The following CAPN8 variants were observed in gnomAD, a reference collection of about 807,000 sequenced individuals.
CAPN8 encodes the protein calpain 8, also known as calpain-8.
CAPN8 carries 87 observed loss-of-function variants against 80.9 expected under a neutral mutation model. That is an observed-to-expected ratio of 1.07 (90% CI 0.90 to 1.28). CAPN8 has a LOEUF of 1.28. Among genes scored for constraint, CAPN8 ranks in the 50% most tolerant of loss-of-function variants. The probability of loss-of-function intolerance (pLI) is 0.00; values close to 1 mark genes in which losing one functional copy is unlikely to be tolerated. For synonymous variants in CAPN8, 299 were observed against 273.8 expected (o/e 1.09, Z -0.91); for missense variants, 757 against 702.0 (o/e 1.08, Z -0.89).
At chr1:223,625,757 T>C (rs537838969) in intron 6 of CAPN8, 48 bp downstream of exon 6, 17 of 1,478,570 alleles carry the variant, frequency 1.1e-5, no homozygotes, top group Non-Finnish European at 1.6e-5. Context: ...CTTGGATTCA[T>C]GGAAATATTA....
intron 13 of CAPN8, among the ~76,000 whole-genome samples, chr1:223,555,635 T>C (rs889843581): frequency 1.3e-5 from 2 of 152,204 alleles, no homozygotes; most frequent in Middle Eastern, 3.4e-3. Context: ...ATTCTCCATG[T>C]CTGGAAAAAC....
intron 13 of CAPN8, among the ~76,000 whole-genome samples, chr1:223,554,650 T>C (rs925567619): frequency 1.2e-4 from 19 of 152,132 alleles, no homozygotes; most frequent in African/African-American, 4.3e-4. Context: ...ATTTCAAAAG[T>C]GTTGAGAACA....
rs1164376778 is a variant in CAPN8, at chr1:223,665,392, G to A, written c.237+18C>T. The A allele has an allele frequency of 6.5e-7, 1 of 1,545,000 alleles. No individual in the cohort carries two copies. The highest frequency in any genetic ancestry group is 8.8e-7 in the Non-Finnish European group (1 of 1,141,118). Reference sequence around the variant, plus strand: ...CCTCCACCTTGTATGTCACTCAACAGCAAGCCCGCTTCCTTACCGTGGGCC... The same window carrying A: ...CCTCCACCTTGTATGTCACTCAACAACAAGCCCGCTTCCTTACCGTGGGCC... On this transcript the variant is annotated intron_variant, in intron 1 of 20. Transcript: ENST00000366872.
chr1:223,647,073 T>G (rs534340131), intron 2 of CAPN8, among the ~76,000 whole-genome samples: 1 of 152,078 alleles, frequency 6.6e-6, no homozygotes, highest in Non-Finnish European at 1.5e-5. Flanking sequence ...ACTGGCAATT[T>G]TGCACTTTTC....
chr1:223,616,646 G>C (rs1179544089), intron 9 of CAPN8, among the ~76,000 whole-genome samples: 1 of 152,184 alleles, frequency 6.6e-6, no homozygotes, highest in African/African-American at 2.4e-5. Flanking sequence ...ACACTATTAA[G>C]ACAACTGCTC....
At chr1:223,639,970 A>T (rs1052989255) in intron 2 of CAPN8, among the ~76,000 whole-genome samples, 2 of 152,196 alleles carry the variant, frequency 1.3e-5, no homozygotes, top group African/African-American at 4.8e-5. Context: ...CATTCACATC[A>T]TTTGAAATAC....
intron 2 of CAPN8, among the ~76,000 whole-genome samples, chr1:223,651,116 T>G (rs1658332945): frequency 6.6e-6 from 1 of 151,828 alleles, no homozygotes; most frequent in African/African-American, 2.4e-5. Context: ...AGTAGGACAC[T>G]GAGTGTGGGT....
At chr1:223,544,724 A>G (rs1426017370) in intron 18 of CAPN8, 48 bp downstream of exon 18, 60 of 1,546,130 alleles carry the variant, frequency 3.9e-5, no homozygotes, top group Non-Finnish European at 5.1e-5. Flanking sequence ...AATATTTACA[A>G]TGTGCACACC....
intron 1 of CAPN8, among the ~76,000 whole-genome samples, chr1:223,656,154 CTT>C (rs11321267): frequency 2.0e-5 from 3 of 147,440 alleles, no homozygotes; most frequent in East Asian, 2.0e-4. Flanking sequence ...TCTGGGCTGA[CTT>C]TTTTTTTTTC....
intron 11 of CAPN8, among the ~76,000 whole-genome samples, chr1:223,610,053 T>C (rs977101268): frequency 6.6e-6 from 1 of 152,228 alleles, no homozygotes; most frequent in African/African-American, 2.4e-5. Context: ...GGTTAATTAG[T>C]GACTGCAGAG....
intron 9 of CAPN8, among the ~76,000 whole-genome samples, chr1:223,618,837 C>T (rs1657285663): frequency 6.6e-6 from 1 of 152,224 alleles, no homozygotes; most frequent in Non-Finnish European, 1.5e-5. Context: ...TAGGGAGAAG[C>T]AGGGCCTCCA....
intron 2 of CAPN8, among the ~76,000 whole-genome samples, chr1:223,651,541 A>G (rs941838461): frequency 6.6e-6 from 1 of 152,246 alleles, no homozygotes; most frequent in Non-Finnish European, 1.5e-5. Context: ...TGGCTTAGCA[A>G]GGACAGTAGG....
chr1:223,641,951 A>G (rs1658053884), intron 2 of CAPN8, among the ~76,000 whole-genome samples: 2 of 152,184 alleles, frequency 1.3e-5, no homozygotes, highest in South Asian at 2.1e-4. Context: ...AGCATCCACA[A>G]CCAACGGTAC....
chr1:223,661,642 G>GA (rs952313002), intron 1 of CAPN8, among the ~76,000 whole-genome samples: 3 of 151,752 alleles, frequency 2.0e-5, no homozygotes, highest in Non-Finnish European at 2.9e-5. Flanking sequence ...TCTCAAAAAA[G>GA]AAAAAAAATG....
At chr1:223,648,999 G>A (rs1213336115) in intron 2 of CAPN8, among the ~76,000 whole-genome samples, 1 of 152,156 alleles carries the variant, frequency 6.6e-6, no homozygotes, top group Non-Finnish European at 1.5e-5. Flanking sequence ...TAGATTCAAA[G>A]TTTGGATAAA....
chr1:223,558,605 G>T (rs1428475425), intron 12 of CAPN8, among the ~76,000 whole-genome samples: 1 of 152,158 alleles, frequency 6.6e-6, no homozygotes, highest in African/African-American at 2.4e-5. Context: ...TCATATGTAT[G>T]TGGTATGTGT....
At chr1:223,645,111 A>C (rs1219696575) in intron 2 of CAPN8, among the ~76,000 whole-genome samples, 4 of 152,162 alleles carry the variant, frequency 2.6e-5, no homozygotes, top group African/African-American at 7.2e-5. Context: ...GACCCTGGCA[A>C]ACCACGGGTG....
Position 223,655,399 on chromosome 1 carries a change from G to T in CAPN8, c.238-1000C>A, listed in dbSNP as rs747309468. On this transcript the variant is annotated intron_variant, in intron 1 of 20. Transcript: ENST00000366872. ...GCTCTGTTGGGGCACAATGACACAT[G>T]CTTTAGTCATGCTTTCTTTGTTTAC... Among the ~76,000 whole-genome samples, 60 of 152,320 alleles carry T rather than the reference G, an allele frequency of 3.9e-4. No individual in the cohort carries two copies. In the Middle Eastern group the frequency reaches 0.01, roughly 26 times the overall value.
At chr1:223,628,238 G>C in intron 3 of CAPN8, 96 bp from the exon 4 acceptor site, 1 of 1,380,382 alleles carries the variant, frequency 7.2e-7, no homozygotes, top group Non-Finnish European at 9.6e-7. Flanking sequence ...TGTGCCATCA[G>C]TGTTCGAGTC....
Sources: gnomAD v4.1 joint callset for allele counts (sites outside exome capture counted in the v4.1 genomes callset) on GRCh38, gnomAD v4.1.1 for gene constraint, MANE v1.5 for transcripts, NCBI Gene and HGNC (gene_info 2026-07-23, HGNC 2026-07-21) for gene names.